Variants in EIF4G3 observed in about 807,000 individuals in gnomAD.
EIF4G3 encodes eIF-4-gamma 3.
A neutral mutation model predicts 186.4 loss-of-function variants in EIF4G3; 34 were observed. That is an observed-to-expected ratio of 0.18 (90% CI 0.14 to 0.24). The LOEUF is 0.24. Among genes scored for constraint, EIF4G3 ranks in the 10% least tolerant of loss-of-function variants. EIF4G3 has a pLI of 1.00. For synonymous variants in EIF4G3, 673 were observed against 679.5 expected (o/e 0.99, Z 0.15); for missense variants, 1,536 against 1,948.5 (o/e 0.79, Z 3.99).
At chr1:20,883,342 G>A (rs1273394304) in intron 19 of EIF4G3, among the ~76,000 whole-genome samples, 3 of 152,176 alleles carry the variant, frequency 2.0e-5, no homozygotes, top group Non-Finnish European at 2.9e-5. Flanking sequence ...ATGAGGGCCG[G>A]GGGTGGTGGC....
intron 7 of EIF4G3, among the ~76,000 whole-genome samples, chr1:20,994,719 C>G (rs574765733): frequency 6.6e-6 from 1 of 150,838 alleles, no homozygotes; most frequent in East Asian, 1.9e-4. Context: ...CTTTGACCAC[C>G]TGGGCTCAGG....
chr1:21,137,734 T>C (rs917176674), intron 2 of EIF4G3, among the ~76,000 whole-genome samples: 1 of 150,186 alleles, frequency 6.7e-6, no homozygotes, highest in African/African-American at 2.4e-5. Flanking sequence ...AGTGGGAGGA[T>C]CACTTGAGCC....
At chr1:20,940,312 A>C (rs2095668187) in intron 14 of EIF4G3, among the ~76,000 whole-genome samples, 1 of 152,198 alleles carries the variant, frequency 6.6e-6, no homozygotes, top group South Asian at 2.1e-4. Context: ...AGATTTATGA[A>C]AAATTTCTCA....
At chr1:20,931,951 G>A (rs1198002033) in intron 14 of EIF4G3, among the ~76,000 whole-genome samples, 6 of 151,882 alleles carry the variant, frequency 4.0e-5, no homozygotes, top group Non-Finnish European at 4.4e-5. Context: ...GTAGGTAGAT[G>A]GTTTCTTCTA....
In EIF4G3 at chr1:20,980,370, G is replaced by A; in HGVS notation, c.457C>T (p.Pro153Ser). ...VQPPGPGPFY[P>S]GPGPGDFPNA... is the part of the protein sequence containing the mutation. ...GGGAAGTCCCCAGGTCCTGGTCCAGGATAAAAAGGACCTGGCCCCGGTGGT... is the reference window on the plus strand; with the variant it reads ...GGGAAGTCCCCAGGTCCTGGTCCAGAATAAAAAGGACCTGGCCCCGGTGGT... Residue 153 changes from proline to serine, a missense_variant, in exon 10 of 37, where the codon CCT (proline) becomes TCT (serine). Physicochemically the swap from Pro to Ser is moderately conservative, Grantham distance 74. This residue lies in a region of EIF4G3 where 194 missense variants were observed against 212.8 expected (regional missense o/e 0.91). Transcript: ENST00000602326. 6.5e-7 allele frequency: 1 copy of A among 1,549,868 alleles called. No homozygotes were observed. Among genetic ancestry groups the A allele is most frequent in the African/African-American group, 1.4e-5 (1 of 69,750 alleles).
intron 4 of EIF4G3, among the ~76,000 whole-genome samples, chr1:21,030,275 T>C (rs1162578995): frequency 6.6e-6 from 1 of 152,230 alleles, no homozygotes; most frequent in African/African-American, 2.4e-5. Context: ...GCTCCCATAA[T>C]TCCCATGTGT....
At chr1:20,983,017 G>A (rs1380489596) in intron 7 of EIF4G3, among the ~76,000 whole-genome samples, 2 of 152,108 alleles carry the variant, frequency 1.3e-5, no homozygotes, top group Admixed American at 6.5e-5. Context: ...GTTGCTATCA[G>A]TCCAAATAAA....
intron 4 of EIF4G3, among the ~76,000 whole-genome samples, chr1:21,009,649 G>C (rs112779311): frequency 1.1e-3 from 166 of 150,938 alleles, no homozygotes; most frequent in African/African-American, 4.0e-3. Flanking sequence ...TTCTTTTTTT[G>C]GGGGGTGCTG....
chr1:21,097,013 G>A (rs556192329), intron 2 of EIF4G3, among the ~76,000 whole-genome samples: 46 of 152,080 alleles, frequency 3.0e-4, no homozygotes, highest in Non-Finnish European at 5.1e-4. Flanking sequence ...CCACAGAACT[G>A]TACACCGAAA....
intron 33 of EIF4G3, among the ~76,000 whole-genome samples, chr1:20,819,500 C>A (rs952637404): frequency 6.6e-6 from 1 of 151,152 alleles, no homozygotes; most frequent in Non-Finnish European, 1.5e-5. Flanking sequence ...CTCTTTTGCC[C>A]GGGTTGCAGT....
chr1:20,912,473 A>C (rs1017195849), intron 14 of EIF4G3, among the ~76,000 whole-genome samples: 7 of 151,844 alleles, frequency 4.6e-5, no homozygotes, highest in African/African-American at 1.5e-4. Context: ...TACAACATAA[A>C]CTCCCTAGTT....
chr1:20,830,231 C>CT (rs963415026), intron 30 of EIF4G3, among the ~76,000 whole-genome samples: 1 of 152,096 alleles, frequency 6.6e-6, no homozygotes, highest in African/African-American at 2.4e-5. Flanking sequence ...GTATGCCACC[C>CT]TTTTTTCAGA....
intron 12 of EIF4G3, among the ~76,000 whole-genome samples, chr1:20,966,329 T>C (rs960077108): frequency 4.6e-5 from 7 of 152,216 alleles, no homozygotes; most frequent in East Asian, 3.8e-4. Context: ...AATTGAAAAC[T>C]AGTAAAACTG....
intron 2 of EIF4G3, among the ~76,000 whole-genome samples, chr1:21,105,817 C>G (rs2096607361): frequency 6.6e-6 from 1 of 152,194 alleles, no homozygotes. Flanking sequence ...AATCCCAGCA[C>G]TTTGGAAGGC....
intron 3 of EIF4G3, among the ~76,000 whole-genome samples, chr1:21,081,774 T>C (rs1290618610): frequency 1.3e-5 from 2 of 151,716 alleles, no homozygotes; most frequent in Admixed American, 1.3e-4. Flanking sequence ...CCCAAGTAGC[T>C]GGGATTACTG....
chr1:20,998,874 A>G (rs757675355), intron 6 of EIF4G3: 2 of 418,004 alleles, frequency 4.8e-6, no homozygotes, highest in South Asian at 3.5e-5. Flanking sequence ...GAGCAAAAAT[A>G]TATGTCTTTG....
chr1:21,033,105 C>A (rs1169963994), intron 4 of EIF4G3, among the ~76,000 whole-genome samples: 1 of 152,180 alleles, frequency 6.6e-6, no homozygotes, highest in African/African-American at 2.4e-5. Context: ...TAGATGACAT[C>A]AAGGTAATCA....
At chr1:21,020,934 C>T (rs1041624659) in intron 4 of EIF4G3, among the ~76,000 whole-genome samples, 2 of 151,862 alleles carry the variant, frequency 1.3e-5, no homozygotes, top group African/African-American at 4.8e-5. Context: ...CACATTCCCA[C>T]TACATAAAGC....
intron 3 of EIF4G3, among the ~76,000 whole-genome samples, chr1:21,053,639 A>G (rs2094408384): frequency 7.6e-6 from 1 of 131,974 alleles, no homozygotes; most frequent in Non-Finnish European, 1.7e-5. Context: ...CCGGGAGGTG[A>G]GGGGCGCCTC....
Sources: gnomAD v4.1 joint callset for allele counts (sites outside exome capture counted in the v4.1 genomes callset) on GRCh38, gnomAD v4.1.1 for gene constraint, gnomAD v4.1.1 regional missense constraint, MANE v1.5 for transcripts, NCBI Gene and HGNC (gene_info 2026-07-23, HGNC 2026-07-21) for gene names.